GNAT3: variants seen among roughly 807,000 people sequenced by gnomAD.
GNAT3 encodes guanine nucleotide-binding protein G(t) subunit alpha-3.
A neutral mutation model predicts 37.7 loss-of-function variants in GNAT3; 31 were observed. The ratio of observed to expected loss-of-function variants is 0.82; its 90% CI spans 0.62 to 1.11. The LOEUF (loss-of-function observed/expected upper bound fraction) is 1.11. Among genes scored for constraint, GNAT3 ranks in the 50% most tolerant of loss-of-function variants. The pLI is 0.00. For synonymous variants in GNAT3, 138 were observed against 139.8 expected (o/e 0.99, Z 0.09); for missense variants, 437 against 412.5 (o/e 1.06, Z -0.51).
chr7:80,477,404 A>G (rs1168731033), intron 4 of GNAT3, among the ~76,000 whole-genome samples: 1 of 152,152 alleles, frequency 6.6e-6, no homozygotes, highest in African/African-American at 2.4e-5. Flanking sequence ...TACTATTAAA[A>G]TGTGGTAGGT....
intron 5 of GNAT3, among the ~76,000 whole-genome samples, chr7:80,466,091 G>C (rs1309176912): frequency 1.3e-5 from 2 of 151,988 alleles, no homozygotes; most frequent in African/African-American, 4.8e-5. Context: ...CCACCTCAGG[G>C]GGGGAAAATA....
chr7:80,497,599 T>TATACACAC (rs1562732863), intron 1 of GNAT3, among the ~76,000 whole-genome samples: 3 of 119,910 alleles, frequency 2.5e-5, no homozygotes, highest in Admixed American at 7.6e-5. Flanking sequence ...TATACGTATA[T>TATACACAC]ACATATACGT....
rs73369057 is a variant in GNAT3 at position 80,493,392 on chromosome 7, T to C, written c.161+1213A>G. 8.9e-3 allele frequency among the ~76,000 whole-genome samples: 1,350 copies of C among 152,250 alleles called. 22 individuals are homozygous for C. The highest frequency in any genetic ancestry group is 0.031 in the African/African-American group (1,289 of 41,550). ...ACAGTAGGAAAGATCAGGTGTTTGG[T>C]TGCAGATAAGTGAAGCTTAAATATT... On this transcript the variant is annotated intron_variant, in intron 2 of 7. Coordinates refer to ENST00000398291, the MANE Select transcript of GNAT3 (RefSeq NM_001102386.3).
intron 5 of GNAT3, among the ~76,000 whole-genome samples, chr7:80,464,761 A>G (rs1790105337): frequency 2.0e-5 from 3 of 152,090 alleles, no homozygotes; most frequent in Admixed American, 1.3e-4. Flanking sequence ...AAAGTACAAT[A>G]TATTATACTT....
chr7:80,474,570 T>C (rs1790274511), intron 4 of GNAT3, among the ~76,000 whole-genome samples, 191 bp from the exon 5 acceptor site: 1 of 152,150 alleles, frequency 6.6e-6, no homozygotes, highest in African/African-American at 2.4e-5. Flanking sequence ...TGATAAATTC[T>C]AGACAGGCGC....
chr7:80,484,817 C>G (rs1482501825), intron 3 of GNAT3, among the ~76,000 whole-genome samples: 1 of 151,956 alleles, frequency 6.6e-6, no homozygotes. Flanking sequence ...AGCTGCTTCC[C>G]CTCTAACTAC....
intron 1 of GNAT3, among the ~76,000 whole-genome samples, chr7:80,497,160 T>C (rs1302471618): frequency 6.6e-6 from 1 of 152,170 alleles, no homozygotes; most frequent in Non-Finnish European, 1.5e-5. Context: ...AACTGACAGA[T>C]TGGGTATAAC....
At chr7:80,468,389 G>C (rs1790158179) in intron 5 of GNAT3, among the ~76,000 whole-genome samples, 1 of 152,032 alleles carries the variant, frequency 6.6e-6, no homozygotes, top group East Asian at 1.9e-4. Context: ...TTATTTGTTA[G>C]ATGTCTTTGC....
chr7:80,509,732 T>TA (rs573186203), intron 1 of GNAT3, among the ~76,000 whole-genome samples: 32 of 152,152 alleles, frequency 2.1e-4, no homozygotes, highest in Admixed American at 7.2e-4. Flanking sequence ...GTTCCAAATT[T>TA]AAAAAAAATC....
At chr7:80,461,948 A>T (rs1002740962) in intron 7 of GNAT3, among the ~76,000 whole-genome samples, 33 of 152,076 alleles carry the variant, frequency 2.2e-4, no homozygotes, top group Admixed American at 1.9e-3. Flanking sequence ...AACCCCTTCC[A>T]GTTTATTTTA....
intron 7 of GNAT3, among the ~76,000 whole-genome samples, chr7:80,461,418 G>A (rs868646558): frequency 2.4e-4 from 37 of 151,984 alleles, no homozygotes; most frequent in Non-Finnish European, 5.9e-5. Flanking sequence ...GTGTTGTGGC[G>A]TGCACCAGTC....
intron 1 of GNAT3, among the ~76,000 whole-genome samples, chr7:80,506,855 T>G (rs1312309565): frequency 2.0e-5 from 3 of 152,126 alleles, no homozygotes; most frequent in Non-Finnish European, 4.4e-5. Flanking sequence ...TGCATTACCT[T>G]GCGTAGTTAT....
At chr7:80,500,804 A>C (rs987390270) in intron 1 of GNAT3, among the ~76,000 whole-genome samples, 2 of 150,330 alleles carry the variant, frequency 1.3e-5, no homozygotes, top group Non-Finnish European at 2.9e-5. Context: ...TTCTCTTTTA[A>C]TTTGATAATG....
chr7:80,494,755 G>T, intron 1 of GNAT3, 108 bp from the exon 2 acceptor site: 3 of 669,738 alleles, frequency 4.5e-6, no homozygotes, highest in Non-Finnish European at 7.8e-6. Flanking sequence ...ATAGGTTTAG[G>T]GGGTACAAGT....
chr7:80,461,657 A>G (rs1279106659), intron 7 of GNAT3, among the ~76,000 whole-genome samples: 1 of 151,730 alleles, frequency 6.6e-6, no homozygotes, highest in African/African-American at 2.4e-5. Flanking sequence ...CACACTTACA[A>G]TCGCTGACTA....
At chr7:80,489,761 A>G (rs1790556839) in intron 2 of GNAT3, among the ~76,000 whole-genome samples, 1 of 152,072 alleles carries the variant, frequency 6.6e-6, no homozygotes, top group Admixed American at 6.6e-5. Flanking sequence ...AAGGCTGTAG[A>G]AAAAAATGCA....
intron 2 of GNAT3, among the ~76,000 whole-genome samples, chr7:80,492,517 T>G (rs2116200835): frequency 6.6e-6 from 1 of 152,020 alleles, no homozygotes; most frequent in South Asian, 2.1e-4. Flanking sequence ...GAAGAATGAA[T>G]AGTCCTGTAA....
intron 2 of GNAT3, among the ~76,000 whole-genome samples, chr7:80,489,196 G>T (rs1790545117): frequency 6.6e-6 from 1 of 152,036 alleles, no homozygotes; most frequent in Admixed American, 6.6e-5. Flanking sequence ...TTTCTTGTCA[G>T]TTCTCCATCT....
In GNAT3 at chr7:80,511,797, A is replaced by C. The variant is rs1562738664; in HGVS notation, c.118+12T>G. On this transcript the variant is annotated intron_variant, in intron 1 of 7. Transcript: ENST00000398291. ...AGTCAGGTTTTTGAAAGCAAAAGGG[A>C]AAAGAAATTACCTAATAGTAGCAGC... The C allele has an allele frequency of 6.4e-7, 1 of 1,563,918 alleles. No individual in the cohort carries two copies. The highest frequency in any genetic ancestry group is 2.2e-5 in the East Asian group (1 of 44,464).
Sources: allele counts gnomAD v4.1 joint callset (sites outside exome capture counted in the v4.1 genomes callset), GRCh38; gene constraint gnomAD v4.1.1; transcripts MANE v1.5; gene names NCBI Gene and HGNC (gene_info 2026-07-23, HGNC 2026-07-21).